PFKFB2: variants seen among roughly 807,000 people sequenced by gnomAD.
PFKFB2 encodes the protein 6-phosphofructo-2-kinase/fructose-2,6-bisphosphatase 2.
PFKFB2 carries 53 observed loss-of-function variants against 68.0 expected under a neutral mutation model. The ratio of observed to expected loss-of-function variants is 0.78; its 90% confidence interval spans 0.63 to 0.98. The LOEUF (loss-of-function observed/expected upper bound fraction) is 0.98. Ranked by LOEUF, PFKFB2 falls within the 50% of genes least tolerant of loss-of-function variation. PFKFB2 has a pLI of 0.00. For missense variants in PFKFB2, 451 were observed against 642.0 expected (o/e 0.70, Z 3.22); for synonymous variants, 222 against 227.6 (o/e 0.98, Z 0.22).
chr1:207,074,680 C>G lies in PFKFB2; in HGVS notation c.*2309C>G. On this transcript the variant is annotated 3_prime_UTR_variant, in exon 15 of 15. Transcript: ENST00000367080. ...ACATGTACTTAGTGTCTTTGTGGAGCTTTGGGCTGGTAGGGGCAGGGATAG... is the reference window on the plus strand; with the variant it reads ...ACATGTACTTAGTGTCTTTGTGGAGGTTTGGGCTGGTAGGGGCAGGGATAG... 1.6e-5 allele frequency: 16 copies of G among 985,334 alleles called. No individual in the cohort carries two copies. Among genetic ancestry groups the G allele is most frequent in the Non-Finnish European group, 1.9e-5 (16 of 829,910 alleles). The allele number at this position is 985,334 out of a possible 1,614,324, so 61.0% of individuals were successfully genotyped here.
In PFKFB2 at chr1:207,063,251, T is replaced by C; in HGVS notation, c.375+42T>C. 1 of 1,596,478 alleles carries C rather than the reference T, an allele frequency of 6.3e-7. No homozygotes were observed. Among genetic ancestry groups the C allele is most frequent in the East Asian group, 2.2e-5 (1 of 44,768 alleles). On this transcript the variant is annotated intron_variant, in intron 5 of 14. Coordinates refer to ENST00000367080, the MANE Select transcript of PFKFB2 (RefSeq NM_006212.2). This position sits in a 1 kb window ranked among gnomAD's most constrained non-coding sequence, Gnocchi z 4.1. ...GCTTCTTCTTTCTGGTCCCCACCCT[T>C]GCAGCAGCCTGGCTACCCAGCCCCA... is the stretch of plus-strand genomic sequence containing the variant.
At chr1:207,054,618 C>A in intron 1 of PFKFB2, 83 bp from the exon 2 acceptor site, 1 of 882,608 alleles carries the variant, frequency 1.1e-6, no homozygotes, top group Non-Finnish European at 1.8e-6. Flanking sequence ...ACTTATACCA[C>A]ACGGATCCAA....
intron 2 of PFKFB2, among the ~76,000 whole-genome samples, chr1:207,043,118 TG>T (rs1360056621): frequency 6.6e-6 from 1 of 152,142 alleles, no homozygotes; most frequent in Non-Finnish European, 1.5e-5. Context: ...TCTGAGCACT[TG>T]CATTTCTAAC....
chr1:207,044,497 T>C (rs1682547041), intron 2 of PFKFB2: 1 of 152,548 alleles, frequency 6.6e-6, no homozygotes, highest in African/African-American at 2.4e-5. Flanking sequence ...GAGCCTAAGA[T>C]GATCCTTTCT....
chr1:207,070,322 G>C lies in PFKFB2; in HGVS notation c.1135G>C (p.Glu379Gln). 6.2e-7 allele frequency: 1 copy of C among 1,613,850 alleles called. No individual in the cohort carries two copies. Among genetic ancestry groups the C allele is most frequent in the African/African-American group, 1.3e-5 (1 of 75,022 alleles). ...LVQRLEPVIM[E>Q]LERQGNVLVI... ...GCAGCGGCTGGAGCCTGTCATCATG[G>C]AGCTGGAACGTCAGGGCAATGTCCT... Residue 379 changes from glutamate (E) to glutamine (Q), a missense_variant, in exon 12 of 15, where the codon GAG (glutamate) becomes CAG (glutamine). Glu to Gln is a conservative substitution (Grantham distance 29). Transcript: ENST00000367080. This position sits in a 1 kb window ranked among gnomAD's most constrained non-coding sequence, Gnocchi z 4.2.
chr1:207,064,935 A>G, intron 7 of PFKFB2, 101 bp from the exon 8 acceptor site: 1 of 1,365,000 alleles, frequency 7.3e-7, no homozygotes, highest in Non-Finnish European at 1.0e-6. Context: ...GAAAGGCGAC[A>G]TTTATGGACT....
In PFKFB2 at chr1:207,063,888, G is replaced by GGGGTGT. The variant is rs572110449; in HGVS notation, c.507+60_507+61insGGTGTG. On this transcript the variant is annotated intron_variant, in intron 7 of 14. Coordinates refer to ENST00000367080, the MANE Select transcript of PFKFB2 (RefSeq NM_006212.2). The surrounding 1 kb of genome is among the most constrained non-coding windows in gnomAD (Gnocchi z 4.1). ...ACCTTTTGTGCTGTGTGTGTTGTGG[G>GGGGTGT]GTGTGTGTGTGTGTGTGTGTGTGTG... 1.4e-4 allele frequency: 142 copies of GGGGTGT among 1,016,494 alleles called. 1 individual carries two copies. The highest frequency in any genetic ancestry group is 4.0e-4 in the African/African-American group (24 of 59,918). 63.0% of individuals were successfully genotyped at this position (1,016,494 alleles called of 1,614,324 possible). A position where few individuals can be genotyped will look rare whatever the true frequency, so the allele number is the denominator to read the frequency against.
At chr1:207,044,749 T>G (rs1206062143) in intron 2 of PFKFB2, 1 of 152,484 alleles carries the variant, frequency 6.6e-6, no homozygotes, top group Admixed American at 6.5e-5. Flanking sequence ...AAAGGGTAAT[T>G]CATGACTAGG....
Position 207,069,468 on chromosome 1 carries a change from C to A in PFKFB2, c.1032C>A (p.Tyr344Ter), listed in dbSNP as rs755925005. 6.2e-7 allele frequency: 1 copy of A among 1,613,812 alleles called. No individual in the cohort carries two copies. The highest frequency in any genetic ancestry group is 8.5e-7 in the Non-Finnish European group (1 of 1,179,892). ...CCTATGCAGAGATTGAGAAACGGTA[C>A]CCAGAAGAGTTTGCACTTCGAGATC... ...EMTYAEIEKR[Y>*]PEEFALRDQE... Residue 344 changes from tyrosine to a stop codon, truncating the protein, a stop_gained, in exon 11 of 15, where the codon TAC becomes TAA. Coordinates refer to ENST00000367080, the MANE Select transcript of PFKFB2 (RefSeq NM_006212.2). LOFTEE classifies it high-confidence loss of function.
intron 1 of PFKFB2, chr1:207,034,822 C>T (rs892190183): frequency 6.6e-6 from 1 of 152,232 alleles, no homozygotes. Context: ...CCCCTCCCTG[C>T]AAACACATAT....
rs964545920 is a variant in PFKFB2, at chr1:207,068,243, C to T, written c.921C>T (p.Thr307=). The change falls in exon 10 of 15, where the codon ACC becomes ACT. Residue 307 remains threonine (T), a synonymous_variant. Coordinates refer to ENST00000367080, the MANE Select transcript of PFKFB2 (RefSeq NM_006212.2). The part of the protein sequence containing the change: ...LKVWTSQLKR[T]IQTAESLGVP... ...TGTGGACAAGCCAGTTGAAGAGGAC[C>T]ATACAGACTGCTGAATCTCTCGGGG... The T allele has an allele frequency of 1.9e-6, 3 of 1,612,008 alleles. No homozygotes were observed. The highest frequency in any genetic ancestry group is 2.7e-5 in the African/African-American group (2 of 74,742).
intron 1 of PFKFB2, among the ~76,000 whole-genome samples, chr1:207,037,297 T>G (rs1167993875): frequency 1.3e-5 from 2 of 152,228 alleles, no homozygotes; most frequent in Non-Finnish European, 2.9e-5. Context: ...GCTTCTCTAA[T>G]CTCTCCTGAA....
chr1:207,043,756 T>C (rs182580914), intron 2 of PFKFB2: 1 of 152,746 alleles, frequency 6.5e-6, no homozygotes, highest in Admixed American at 6.5e-5. Context: ...GGTACCTTAG[T>C]TAAAGATTCG....
rs768355597 is a variant in PFKFB2, at chr1:207,070,142, G to A, written c.1093-138G>A. ...CCAGGGCTGGGGGCAGTTAGCAGGT[G>A]ATGTAAACTCACTGAGCCTCCAGGA... is the stretch of plus-strand genomic sequence containing the variant. On this transcript the variant is annotated intron_variant, in intron 11 of 14. Coordinates refer to ENST00000367080, the MANE Select transcript of PFKFB2 (RefSeq NM_006212.2). The surrounding 1 kb of genome is among the most constrained non-coding windows in gnomAD (Gnocchi z 4.2). 1.1e-5 allele frequency: 10 copies of A among 895,194 alleles called. No individual in the cohort carries two copies. The highest frequency in any genetic ancestry group is 1.7e-5 in the Non-Finnish European group (10 of 584,756). The allele number at this position is 895,194 out of a possible 1,614,324, so 55.5% of individuals were successfully genotyped here.
At chr1:207,071,647 C>CCCCAGTCTCT in intron 14 of PFKFB2, 74 bp downstream of exon 14, 1 of 1,085,320 alleles carries the variant, frequency 9.2e-7, no homozygotes, top group Non-Finnish European at 1.4e-6. Flanking sequence ...CATCAAGAGA[C>CCCCAGTCTCT]TGGGGTTTCT....
chr1:207,043,483 G>T (rs1304681744), intron 2 of PFKFB2, among the ~76,000 whole-genome samples: 1 of 152,168 alleles, frequency 6.6e-6, no homozygotes. Context: ...TGCCAAAGAT[G>T]AAATAAACCC....
chr1:207,043,731 T>C (rs1463919963), intron 2 of PFKFB2: 1 of 152,626 alleles, frequency 6.6e-6, no homozygotes, highest in Non-Finnish European at 1.5e-5. Context: ...TAAAGGGTGA[T>C]ATTTGGCAGA....
At chr1:207,071,053 G>A (rs1157022506) in intron 12 of PFKFB2, 135 bp from the exon 13 acceptor site, 2 of 699,910 alleles carry the variant, frequency 2.9e-6, no homozygotes, top group Non-Finnish European at 5.0e-6. Flanking sequence ...GGGTTTAAGG[G>A]AGGAGTTGTA....
intron 8 of PFKFB2, among the ~76,000 whole-genome samples, chr1:207,065,508 G>A (rs1217096940): frequency 6.6e-6 from 1 of 151,436 alleles, no homozygotes; most frequent in African/African-American, 2.4e-5. Flanking sequence ...GCGCCACCAT[G>A]CCCGGCTATT....
Sources: allele counts gnomAD v4.1 joint callset (sites outside exome capture counted in the v4.1 genomes callset), GRCh38; gene constraint gnomAD v4.1.1; non-coding constraint Gnocchi (gnomAD v3.1); transcripts MANE v1.5; gene names NCBI Gene and HGNC (gene_info 2026-07-23, HGNC 2026-07-21).